Variants in P4HA3 observed in about 807,000 individuals in gnomAD.
P4HA3 encodes the protein prolyl 4-hydroxylase subunit alpha 3, also known as prolyl 4-hydroxylase subunit alpha-3.
In P4HA3, 60 loss-of-function variants were observed where a neutral mutation model predicts 66.7. The observed-to-expected ratio is 0.90, with a 90% CI of 0.73 to 1.12. P4HA3 has a LOEUF of 1.12. P4HA3 is among the 50% of genes most tolerant of loss of function. P4HA3 has a pLI of 0.00. For missense variants in P4HA3, 683 were observed against 685.8 expected, an observed-to-expected ratio of 1.00 and a Z score of 0.05; for synonymous variants, 263 against 274.6, an observed-to-expected ratio of 0.96 and a Z score of 0.42.
chr11:74,267,137 C>A lies in P4HA3; in HGVS notation c.*111G>T, dbSNP rs2135701017. On this transcript the variant is annotated 3_prime_UTR_variant, in exon 13 of 13. Transcript: ENST00000331597. ...ATTTGCGAGGCACAGACAAAGCTGA[C>A]AAGGCCTTCTTCCAGGAGGCTGCTC... is the stretch of plus-strand genomic sequence containing the variant. 6.4e-7 allele frequency: 1 copy of A among 1,567,624 alleles called. No homozygotes were observed. Among genetic ancestry groups the A allele is most frequent in the South Asian group, 1.2e-5 (1 of 86,484 alleles).
chr11:74,302,307 A>G, intron 3 of P4HA3, 62 bp downstream of exon 3: 2 of 1,395,648 alleles, frequency 1.4e-6, no homozygotes, highest in Non-Finnish European at 2.0e-6. Context: ...CAATCGGTAC[A>G]TAGTTATTTT....
At chr11:74,269,785 T>C (rs1860128501) in intron 10 of P4HA3, 65 bp from the exon 11 acceptor site, 2 of 1,455,684 alleles carry the variant, frequency 1.4e-6, no homozygotes, top group South Asian at 1.2e-5. Flanking sequence ...TGTCATATGA[T>C]GTCACATCTG....
chr11:74,251,134 T>C, intron 15 of P4HA3: 1 of 1,510,078 alleles, frequency 6.6e-7, no homozygotes, highest in African/African-American at 1.4e-5. Context: ...CTGTGGAGCC[T>C]ATGCAGATGC....
In P4HA3 at chr11:74,274,293, G is replaced by T. The variant is rs183918812; in HGVS notation, c.1336-686C>A. Among the ~76,000 whole-genome samples, 1,400 of 143,756 alleles carry T rather than the reference G, an allele frequency of 9.7e-3. 18 individuals are homozygous for T. Among genetic ancestry groups the T allele is most frequent in the African/African-American group, 0.032 (1,232 of 39,022 alleles). The allele number at this position is 143,756 out of a possible 152,430, so 94.3% of individuals were successfully genotyped here. On this transcript the variant is annotated intron_variant, in intron 9 of 12. Transcript: ENST00000331597. ...ACATCTGGGCTGTTTCCAATTCTTG[G>T]TTTTTTTTTTGTTTTTTTTTTTTTG...
chr11:74,269,002 A>G (rs11236041), intron 11 of P4HA3, among the ~76,000 whole-genome samples: 2 of 152,310 alleles, frequency 1.3e-5, no homozygotes, highest in East Asian at 3.9e-4. Flanking sequence ...ATTCAGAGAT[A>G]CCTGGCATTG....
chr11:74,295,278 C>T (rs1162086645), intron 4 of P4HA3, among the ~76,000 whole-genome samples: 1 of 152,124 alleles, frequency 6.6e-6, no homozygotes, highest in Non-Finnish European at 1.5e-5. Flanking sequence ...AAAATGGAAA[C>T]ATTGCCCAGT....
intron 4 of P4HA3, among the ~76,000 whole-genome samples, chr11:74,291,070 C>T (rs1861005105): frequency 6.6e-6 from 1 of 152,168 alleles, no homozygotes; most frequent in Non-Finnish European, 1.5e-5. Flanking sequence ...ATTCTTCCTA[C>T]CCATGAGCAT....
chr11:74,304,514 G>A (rs1861518194), intron 1 of P4HA3, 102 bp from the exon 2 acceptor site: 3 of 1,335,408 alleles, frequency 2.2e-6, no homozygotes, highest in East Asian at 2.3e-5. Context: ...ACACTGACAT[G>A]CTGAACCTCT....
rs946053687 is a variant in P4HA3, at chr11:74,311,567, C to A, written c.45G>T (p.Ala15=). 6.5e-7 allele frequency: 1 copy of A among 1,532,270 alleles called. No homozygotes were observed. Among genetic ancestry groups the A allele is most frequent in the Non-Finnish European group, 8.7e-7 (1 of 1,150,542 alleles). The allele number at this position is 1,532,270 out of a possible 1,614,324, so 94.9% of individuals were successfully genotyped here. Residue 15 remains alanine (A), a synonymous_variant, in exon 1 of 13, where the codon GCG becomes GCT. Transcript: ENST00000331597. ...CCCTTTCTGGGTCTCCTGTCCCGAG[C>A]GCCAGCACCGCCAGCAGCGCCGCCA... ...ARLAALLAVL[A]LGTGDPERAA... is the part of the protein sequence containing the mutation.
At chr11:74,274,771 T>C (rs539799170) in intron 9 of P4HA3, among the ~76,000 whole-genome samples, 12 of 152,360 alleles carry the variant, frequency 7.9e-5, no homozygotes, top group African/African-American at 2.4e-4. Context: ...ATCAAACTTT[T>C]TTCCAAAGTG....
At chr11:74,263,941 T>C (rs913230189), downstream of P4HA3, among the ~76,000 whole-genome samples, 1 of 151,908 alleles carries the variant, frequency 6.6e-6, no homozygotes, top group African/African-American at 2.4e-5. Flanking sequence ...GAAACAAAAT[T>C]ATAAAAAAAT....
At chr11:74,258,502 G>A (rs78324142) in intron 15 of P4HA3, among the ~76,000 whole-genome samples, 5,964 of 152,252 alleles carry the variant, frequency 0.039, 243 homozygotes, top group African/African-American at 0.11. Flanking sequence ...CTGGAGTGGG[G>A]AGGGCAGACA....
chr11:74,271,713 A>G (rs943115690), intron 10 of P4HA3, among the ~76,000 whole-genome samples: 17 of 152,178 alleles, frequency 1.1e-4, no homozygotes, highest in Non-Finnish European at 2.1e-4. Flanking sequence ...CTGGACTTCA[A>G]CTCAATCCTC....
At chr11:74,288,429 C>G (rs1233443008) in intron 5 of P4HA3, among the ~76,000 whole-genome samples, 1 of 152,178 alleles carries the variant, frequency 6.6e-6, no homozygotes, top group African/African-American at 2.4e-5. Flanking sequence ...GGGTCTGCTT[C>G]CAAAATCTGG....
At chr11:74,267,378 T>C in intron 12 of P4HA3, 60 bp from the exon 13 acceptor site, 1 of 1,592,894 alleles carries the variant, frequency 6.3e-7, no homozygotes, top group Non-Finnish European at 8.6e-7. Flanking sequence ...GCAGCAATGC[T>C]GCAGACTGGT....
intron 15 of P4HA3, chr11:74,251,104 T>A: frequency 6.5e-7 from 1 of 1,535,134 alleles, no homozygotes; most frequent in South Asian, 1.2e-5. Flanking sequence ...AGTCTCAGCC[T>A]GCATTGCCTG....
At chr11:74,252,229 G>A (rs538931215) in intron 15 of P4HA3, among the ~76,000 whole-genome samples, 3 of 149,674 alleles carry the variant, frequency 2.0e-5, no homozygotes, top group Admixed American at 6.6e-5. Flanking sequence ...CACCGTACCC[G>A]GCTAATTTTG....
chr11:74,302,883 CTTTTTCTTTTTCTT>C (rs552635789), intron 2 of P4HA3, among the ~76,000 whole-genome samples: 18 of 152,132 alleles, frequency 1.2e-4, no homozygotes, highest in Admixed American at 5.9e-4. Context: ...GACAACTCTT[CTTTTTCTTTTTCTT>C]TTTTTCTTTT....
chr11:74,253,468 C>T (rs376614776), intron 15 of P4HA3: 100 of 1,600,380 alleles, frequency 6.2e-5, no homozygotes, highest in Non-Finnish European at 8.4e-5. Context: ...ATTTGTTTTT[C>T]CTTCTCTTTC....
Sources: allele counts gnomAD v4.1 joint callset (sites outside exome capture counted in the v4.1 genomes callset), GRCh38; gene constraint gnomAD v4.1.1; transcripts MANE v1.5; gene names NCBI Gene and HGNC (gene_info 2026-07-23, HGNC 2026-07-21).